COL13A1: variants seen among roughly 807,000 people sequenced by gnomAD.
The protein encoded by COL13A1 is collagen alpha-1(XIII) chain.
In COL13A1, 89 loss-of-function variants were observed where a neutral mutation model predicts 130.9. The ratio of observed to expected loss-of-function variants is 0.68; its 90% CI spans 0.57 to 0.81. The LOEUF (loss-of-function observed/expected upper bound fraction) is 0.81. Among genes scored for constraint, COL13A1 ranks in the 30% least tolerant of loss-of-function variants. The probability of loss-of-function intolerance (pLI) is 0.00; values close to 1 mark genes in which losing one functional copy is unlikely to be tolerated. For synonymous variants in COL13A1, 402 were observed against 341.6 expected, an observed-to-expected ratio of 1.18 and a Z score of -1.95; for missense variants, 879 against 934.6, an observed-to-expected ratio of 0.94 and a Z score of 0.78.
chr10:69,941,866 C>T (rs1458762100), intron 35 of COL13A1, among the ~76,000 whole-genome samples: 2 of 152,172 alleles, frequency 1.3e-5, no homozygotes, highest in Non-Finnish European at 2.9e-5. Context: ...CCTCAAGTCT[C>T]GAGTCCCTGC....
chr10:69,819,479 AGC>A (rs1223918675), intron 1 of COL13A1, among the ~76,000 whole-genome samples: 1 of 152,200 alleles, frequency 6.6e-6, no homozygotes, highest in Non-Finnish European at 1.5e-5. Context: ...CAGAGGCCCC[AGC>A]TGGTCCTGTG....
chr10:69,880,150 C>A (rs563897454), intron 6 of COL13A1, among the ~76,000 whole-genome samples: 343 of 152,202 alleles, frequency 2.3e-3, no homozygotes, highest in Non-Finnish European at 4.1e-3. Flanking sequence ...TCCAATGGAT[C>A]CTGTTCTTCT....
At chr10:69,823,341 C>G (rs185111565) in intron 2 of COL13A1, among the ~76,000 whole-genome samples, 33 of 152,332 alleles carry the variant, frequency 2.2e-4, no homozygotes, top group Admixed American at 2.0e-3. Flanking sequence ...CCCTGAGGAA[C>G]TAGAATGCAC....
chr10:69,906,617 C>CAAGTCACATG (rs2062780712), intron 17 of COL13A1, among the ~76,000 whole-genome samples: 1 of 152,142 alleles, frequency 6.6e-6, no homozygotes, highest in Non-Finnish European at 1.5e-5. Flanking sequence ...TTGGTTGAAG[C>CAAGTCACATG]AAGTCACATG....
chr10:69,945,557 A>C, intron 36 of COL13A1, 114 bp from the exon 37 acceptor site: 1 of 1,424,114 alleles, frequency 7.0e-7, no homozygotes, highest in Non-Finnish European at 9.6e-7. Context: ...TGCTTCCCGG[A>C]GGGCTCTTGA....
intron 38 of COL13A1, among the ~76,000 whole-genome samples, chr10:69,949,947 TGC>T (rs199511632): frequency 0.16 from 23,452 of 147,264 alleles, 2,478 homozygotes; most frequent in East Asian, 0.23. Context: ...TGTGTGTGTG[TGC>T]GTGTGTTTGT....
At chr10:69,826,068 T>C (rs537991134) in intron 2 of COL13A1, among the ~76,000 whole-genome samples, 2 of 152,164 alleles carry the variant, frequency 1.3e-5, no homozygotes, top group African/African-American at 2.4e-5. Context: ...CAGATATACA[T>C]ACCATGAGAC....
intron 2 of COL13A1, among the ~76,000 whole-genome samples, chr10:69,867,414 A>T (rs1211156866): frequency 1.3e-5 from 2 of 152,122 alleles, no homozygotes; most frequent in African/African-American, 2.4e-5. Flanking sequence ...TCTCTACGGG[A>T]TCTGTTATTT....
At chr10:69,844,256 A>G (rs1852403906) in intron 2 of COL13A1, among the ~76,000 whole-genome samples, 1 of 152,202 alleles carries the variant, frequency 6.6e-6, no homozygotes, top group African/African-American at 2.4e-5. Context: ...CTGTCCAGGG[A>G]GGATGGGCCA....
Position 69,875,152 on chromosome 10 carries a change from C to T in COL13A1, c.424C>T (p.Pro142Ser). The T allele has an allele frequency of 1.2e-6, 2 of 1,613,988 alleles. No individual in the cohort carries two copies. The highest frequency in any genetic ancestry group is 2.2e-5 in the East Asian group (1 of 44,886). The change falls in exon 5 of 41, where the codon CCT becomes TCT. Residue 142 changes from proline (P) to serine (S), a missense_variant. By Grantham distance (74) the Pro-to-Ser change is moderately conservative. Around this residue, in one of 3 missense-constraint regions of COL13A1, gnomAD observed 715 missense variants for 721.0 expected, o/e 0.99. Coordinates refer to ENST00000645393, the MANE Select transcript of COL13A1 (RefSeq NM_001368882.1). ...LPGDKGAIGM[P>S]GRVGVKGQPG... is the part of the protein sequence containing the mutation. ...GGGGGACAAAGGTGCCATTGGGATG[C>T]CTGGACGTGTGGTGAGTTGGCCCGT...
intron 2 of COL13A1, among the ~76,000 whole-genome samples, chr10:69,855,020 G>C (rs540617715): frequency 6.6e-6 from 1 of 152,314 alleles, no homozygotes; most frequent in African/African-American, 2.4e-5. Context: ...ACCCAGGCAA[G>C]AATCCTAGCT....
intron 31 of COL13A1, among the ~76,000 whole-genome samples, chr10:69,933,619 T>C (rs1026617814): frequency 1.8e-4 from 27 of 152,138 alleles, no homozygotes; most frequent in African/African-American, 6.3e-4. Flanking sequence ...CGTCTGAATG[T>C]AGTGAAACAG....
chr10:69,837,752 A>G (rs979502735), intron 2 of COL13A1, among the ~76,000 whole-genome samples: 1 of 152,212 alleles, frequency 6.6e-6, no homozygotes, highest in African/African-American at 2.4e-5. Flanking sequence ...CCCTTAAGGC[A>G]GTGGGATCAT....
intron 15 of COL13A1, 77 bp downstream of exon 15, chr10:69,902,932 T>G: frequency 8.5e-7 from 1 of 1,171,998 alleles, no homozygotes; most frequent in Non-Finnish European, 1.2e-6. Flanking sequence ...GAATAGGCAG[T>G]GGGTCCCCTA....
intron 35 of COL13A1, among the ~76,000 whole-genome samples, chr10:69,942,800 G>A (rs2067838995): frequency 1.3e-5 from 2 of 152,184 alleles, no homozygotes; most frequent in Admixed American, 1.3e-4. Context: ...TCCGAGGCAA[G>A]GCCAGCCACA....
intron 8 of COL13A1, 123 bp downstream of exon 8, chr10:69,887,614 T>G: frequency 9.6e-7 from 1 of 1,036,788 alleles, no homozygotes. Context: ...CATTAAGGAC[T>G]TGCTTCTACA....
intron 13 of COL13A1, among the ~76,000 whole-genome samples, chr10:69,896,183 G>A (rs935632633): frequency 1.3e-5 from 2 of 152,136 alleles, no homozygotes; most frequent in Non-Finnish European, 2.9e-5. Flanking sequence ...AGCAGGGTGG[G>A]GATTTCAGGC....
intron 4 of COL13A1, among the ~76,000 whole-genome samples, chr10:69,874,067 T>C (rs1284676677): frequency 2.0e-5 from 3 of 152,332 alleles, no homozygotes; most frequent in South Asian, 4.1e-4. Flanking sequence ...AGTCAGTGCT[T>C]CTAATCTGCA....
intron 24 of COL13A1, 109 bp from the exon 25 acceptor site, chr10:69,924,854 C>A: frequency 9.0e-7 from 1 of 1,107,318 alleles, no homozygotes; most frequent in Non-Finnish European, 1.2e-6. Context: ...CTTCTATGGA[C>A]TAAGAGCTAA....
Sources: allele counts gnomAD v4.1 joint callset (sites outside exome capture counted in the v4.1 genomes callset), GRCh38; gene constraint gnomAD v4.1.1; regional missense constraint gnomAD v4.1.1; transcripts MANE v1.5; gene names NCBI Gene and HGNC (gene_info 2026-07-23, HGNC 2026-07-21).